The following KCNH7 variants were observed in gnomAD, a reference collection of about 807,000 sequenced individuals.
The protein encoded by KCNH7 is voltage-gated inwardly rectifying potassium channel KCNH7.
In KCNH7, 49 loss-of-function variants were observed where a neutral mutation model predicts 120.8. The observed-to-expected ratio is 0.41, with a 90% CI of 0.32 to 0.51. The LOEUF (loss-of-function observed/expected upper bound fraction) is 0.51. Among genes scored for constraint, KCNH7 ranks in the 20% least tolerant of loss-of-function variants. The pLI is 0.38. For synonymous variants in KCNH7, 547 were observed against 516.1 expected, an observed-to-expected ratio of 1.06 and a Z score of -0.81; for missense variants, 1,097 against 1,446.6, an observed-to-expected ratio of 0.76 and a Z score of 3.92.
rs190245106 is a variant in KCNH7 at position 162,659,521 on chromosome 2, T to C, written c.308-122441A>G. 7.6e-4 allele frequency among the ~76,000 whole-genome samples: 116 copies of C among 152,068 alleles called. 1 individual carries two copies. The highest frequency in any genetic ancestry group is 1.1e-3 in the Non-Finnish European group (76 of 67,972). Reference sequence around the variant, plus strand: ...CACACCTGGCTAATTTTTGTATTTTTAGTAGAGACGAGGTTTCACTGTATT... The same window carrying C: ...CACACCTGGCTAATTTTTGTATTTTCAGTAGAGACGAGGTTTCACTGTATT... On this transcript the variant is annotated intron_variant, in intron 2 of 15. Transcript: ENST00000332142.
chr2:162,463,043 C>G (rs78038088), intron 6 of KCNH7, among the ~76,000 whole-genome samples: 1 of 151,902 alleles, frequency 6.6e-6, no homozygotes, highest in African/African-American at 2.4e-5. Context: ...CTTACTTGGT[C>G]GGGCCAGGTC....
intron 2 of KCNH7, among the ~76,000 whole-genome samples, chr2:162,652,672 G>T (rs186443964): frequency 1.4e-3 from 219 of 152,286 alleles, no homozygotes; most frequent in African/African-American, 5.0e-3. Flanking sequence ...CTGTCCTGCT[G>T]TGTGGTCCAG....
intron 3 of KCNH7, among the ~76,000 whole-genome samples, chr2:162,531,821 T>G (rs935930478): frequency 6.6e-6 from 1 of 151,978 alleles, no homozygotes; most frequent in Non-Finnish European, 1.5e-5. Context: ...TAGACATACC[T>G]AAGGAAAAAT....
At chr2:162,768,699 A>G (rs73972005) in intron 2 of KCNH7, among the ~76,000 whole-genome samples, 3,322 of 152,220 alleles carry the variant, frequency 0.022, 114 homozygotes, top group African/African-American at 0.074. Context: ...CAGCCTTTTC[A>G]TAGGATTTAG....
intron 3 of KCNH7, among the ~76,000 whole-genome samples, chr2:162,522,528 T>C (rs1691568265): frequency 6.6e-6 from 1 of 151,902 alleles, no homozygotes; most frequent in African/African-American, 2.4e-5. Flanking sequence ...GTTAGCACTT[T>C]CAGGCATGAA....
At chr2:162,472,833 C>T (rs2105651803) in intron 6 of KCNH7, among the ~76,000 whole-genome samples, 1 of 152,258 alleles carries the variant, frequency 6.6e-6, no homozygotes, top group East Asian at 1.9e-4. Context: ...AAACTTGGAA[C>T]CGACCCAAAT....
chr2:162,651,456 C>T (rs2105259596), intron 2 of KCNH7, among the ~76,000 whole-genome samples: 1 of 152,206 alleles, frequency 6.6e-6, no homozygotes, highest in South Asian at 2.1e-4. Flanking sequence ...TAAGTGAGAA[C>T]ATACGATACC....
At chr2:162,458,408 C>T (rs960117816) in intron 6 of KCNH7, among the ~76,000 whole-genome samples, 1 of 151,942 alleles carries the variant, frequency 6.6e-6, no homozygotes, top group Non-Finnish European at 1.5e-5. Context: ...CAACATAATG[C>T]CTCTTGGTTT....
intron 2 of KCNH7, among the ~76,000 whole-genome samples, chr2:162,694,147 T>C (rs1208030380): frequency 6.6e-6 from 1 of 152,144 alleles, no homozygotes; most frequent in Admixed American, 6.6e-5. Flanking sequence ...CAGTTTTAAA[T>C]CTCTTATCAT....
intron 9 of KCNH7, among the ~76,000 whole-genome samples, chr2:162,415,827 GT>G (rs1687526452): frequency 6.6e-6 from 1 of 152,124 alleles, no homozygotes; most frequent in Non-Finnish European, 1.5e-5. Flanking sequence ...GGATATAAAT[GT>G]TATGTAACCT....
At chr2:162,480,929 C>T (rs1192305625) in intron 6 of KCNH7, among the ~76,000 whole-genome samples, 2 of 152,122 alleles carry the variant, frequency 1.3e-5, no homozygotes, top group African/African-American at 4.8e-5. Flanking sequence ...GACTTTGCCT[C>T]CCCTATTCAC....
intron 2 of KCNH7, among the ~76,000 whole-genome samples, chr2:162,820,379 T>C (rs1685076732): frequency 6.6e-6 from 1 of 151,890 alleles, no homozygotes; most frequent in African/African-American, 2.4e-5. Context: ...CACAGCCTAT[T>C]CCATAAACTT....
At position 162,838,454 on chromosome 2, in the gene KCNH7, A is replaced by G; in HGVS notation, c.65T>C (p.Phe22Ser). The G allele has an allele frequency of 1.2e-6, 2 of 1,613,734 alleles. No homozygotes were observed. The highest frequency in any genetic ancestry group is 1.7e-6 in the Non-Finnish European group (2 of 1,179,768). ...NTFLGTIIRKFEGQNKKFIIA... is the reference protein window; with the variant it reads ...NTFLGTIIRKSEGQNKKFIIA... ...ACAAACGAACTTACTTTGCCCTTCA[A>G]ATTTCCGAATGATGGTCCCCAGAAA... is the stretch of plus-strand genomic sequence containing the variant. Residue 22 changes from phenylalanine (F) to serine (S), a missense_variant, in exon 1 of 16, where the codon TTT becomes TCT. Phe to Ser is a radical substitution (Grantham distance 155). Coordinates refer to ENST00000332142, the MANE Select transcript of KCNH7 (RefSeq NM_033272.4).
At chr2:162,638,724 C>A (rs1365769798) in intron 2 of KCNH7, among the ~76,000 whole-genome samples, 1 of 152,020 alleles carries the variant, frequency 6.6e-6, no homozygotes, top group Non-Finnish European at 1.5e-5. Context: ...GCTGGTGACC[C>A]AACTCAGATC....
intron 2 of KCNH7, chr2:162,795,361 C>T (rs1684105652): frequency 6.6e-6 from 1 of 151,940 alleles, no homozygotes; most frequent in East Asian, 1.9e-4. Flanking sequence ...GGAATCTAGG[C>T]TATAATGGTG....
At chr2:162,758,963 A>T (rs933875734) in intron 2 of KCNH7, among the ~76,000 whole-genome samples, 1 of 152,174 alleles carries the variant, frequency 6.6e-6, no homozygotes, top group Admixed American at 6.6e-5. Flanking sequence ...GACATAAATA[A>T]TATTCAAATG....
chr2:162,709,354 G>A (rs543706355), intron 2 of KCNH7, among the ~76,000 whole-genome samples: 57 of 152,118 alleles, frequency 3.7e-4, no homozygotes, highest in African/African-American at 1.3e-3. Context: ...AGATCCAGAA[G>A]CTCATTCCTT....
intron 2 of KCNH7, among the ~76,000 whole-genome samples, chr2:162,555,938 T>C (rs935517904): frequency 6.6e-6 from 1 of 152,058 alleles, no homozygotes; most frequent in African/African-American, 2.4e-5. Context: ...TAGCTCAAAG[T>C]GTTTAAAAAA....
At chr2:162,509,320 G>A (rs761331297) in intron 5 of KCNH7, among the ~76,000 whole-genome samples, 16 of 151,576 alleles carry the variant, frequency 1.1e-4, no homozygotes, top group Admixed American at 3.3e-4. Context: ...AAAAAATAAT[G>A]CTACTTTAAA....
Sources: gnomAD v4.1 joint callset for allele counts (sites outside exome capture counted in the v4.1 genomes callset) on GRCh38, gnomAD v4.1.1 for gene constraint, MANE v1.5 for transcripts, NCBI Gene and HGNC (gene_info 2026-07-23, HGNC 2026-07-21) for gene names.